ASTN1: variants seen among roughly 807,000 people sequenced by gnomAD.
ASTN1 encodes astrotactin 1.
A neutral mutation model predicts 140.7 loss-of-function variants in ASTN1; 41 were observed. The ratio of observed to expected loss-of-function variants is 0.29; its 90% CI spans 0.23 to 0.38. The LOEUF (loss-of-function observed/expected upper bound fraction) is 0.38, where lower values mean the gene tolerates loss of function less well. ASTN1 is among the 10% of genes least tolerant of loss of function. The probability of loss-of-function intolerance (pLI) is 1.00; values close to 1 mark genes in which losing one functional copy is unlikely to be tolerated. For synonymous variants in ASTN1, 640 were observed against 652.2 expected (o/e 0.98, Z 0.29); for missense variants, 1,479 against 1,678.8 (o/e 0.88, Z 2.08).
intron 1 of ASTN1, among the ~76,000 whole-genome samples, chr1:177,066,836 A>T (rs758300605): frequency 5.9e-5 from 9 of 151,898 alleles, no homozygotes; most frequent in Non-Finnish European, 1.2e-4. Flanking sequence ...ACCCTTTCTC[A>T]CTCCTAGCAA....
chr1:177,038,125 T>C (rs892911188), intron 2 of ASTN1, among the ~76,000 whole-genome samples: 1 of 152,202 alleles, frequency 6.6e-6, no homozygotes, highest in Non-Finnish European at 1.5e-5. Flanking sequence ...GACTGTCTCA[T>C]TATCTGACCT....
chr1:177,130,897 G>A (rs1681908864), intron 1 of ASTN1, among the ~76,000 whole-genome samples: 1 of 152,170 alleles, frequency 6.6e-6, no homozygotes, highest in Admixed American at 6.5e-5. Context: ...CCCTTGAGAA[G>A]GAGAAAGCTT....
intron 8 of ASTN1, among the ~76,000 whole-genome samples, chr1:177,009,556 G>C (rs1394406558): frequency 6.6e-6 from 1 of 152,202 alleles, no homozygotes; most frequent in Non-Finnish European, 1.5e-5. Flanking sequence ...GAGCGGGTGA[G>C]AAGTAGGAAG....
At chr1:177,027,345 C>G (rs1230858748) in intron 5 of ASTN1, among the ~76,000 whole-genome samples, 1 of 152,044 alleles carries the variant, frequency 6.6e-6, no homozygotes, top group East Asian at 1.9e-4. Flanking sequence ...ATTGCCACTG[C>G]TCTCATGTGA....
chr1:177,030,060 A>C (rs1193259997), intron 4 of ASTN1, among the ~76,000 whole-genome samples: 1 of 152,202 alleles, frequency 6.6e-6, no homozygotes, highest in Non-Finnish European at 1.5e-5. Context: ...CCCTCATTAC[A>C]GGTTATGATT....
chr1:176,868,796 C>A (rs367850479), intron 22 of ASTN1, 48 bp downstream of exon 22: 41 of 1,531,074 alleles, frequency 2.7e-5, no homozygotes, highest in Non-Finnish European at 3.6e-5. Context: ...ACAAGAGGTA[C>A]AAAATTTCAA....
intron 1 of ASTN1, among the ~76,000 whole-genome samples, chr1:177,070,309 G>T (rs1479372452): frequency 2.6e-5 from 4 of 152,266 alleles, no homozygotes; most frequent in Middle Eastern, 3.4e-3. Context: ...CAAATCCTCT[G>T]TCTTATACTC....
intron 21 of ASTN1, among the ~76,000 whole-genome samples, chr1:176,874,633 T>C (rs1037122724): frequency 3.3e-5 from 5 of 152,218 alleles, no homozygotes; most frequent in African/African-American, 4.8e-5. Context: ...TAAATACTTA[T>C]TGACTTCCTA....
chr1:177,080,366 G>C (rs12136626), intron 1 of ASTN1, among the ~76,000 whole-genome samples: 65 of 150,556 alleles, frequency 4.3e-4, no homozygotes, highest in African/African-American at 1.3e-3. Context: ...ATTTTCATTA[G>C]AGCAGCTGCC....
intron 1 of ASTN1, among the ~76,000 whole-genome samples, chr1:177,161,951 T>A (rs1164667898): frequency 6.6e-6 from 1 of 152,180 alleles, no homozygotes; most frequent in African/African-American, 2.4e-5. Context: ...TAGAGACCAC[T>A]TGAGGGCAAG....
At chr1:176,943,239 C>T (rs1234179444) in intron 14 of ASTN1, among the ~76,000 whole-genome samples, 2 of 152,072 alleles carry the variant, frequency 1.3e-5, no homozygotes, top group South Asian at 2.1e-4. Flanking sequence ...TTCAGAGACA[C>T]AGGCAAGCAT....
chr1:177,075,132 G>A (rs1245729436), intron 1 of ASTN1, among the ~76,000 whole-genome samples: 1 of 151,942 alleles, frequency 6.6e-6, no homozygotes, highest in East Asian at 1.9e-4. Context: ...GGAGTGCAAT[G>A]GCGTGATCTT....
At chr1:177,081,592 G>A (rs1276357142) in intron 1 of ASTN1, among the ~76,000 whole-genome samples, 1 of 152,166 alleles carries the variant, frequency 6.6e-6, no homozygotes, top group Non-Finnish European at 1.5e-5. Flanking sequence ...GGGTGTGGGT[G>A]GCAAGGGGAA....
At chr1:176,886,993 A>G (rs777105120) in intron 18 of ASTN1, among the ~76,000 whole-genome samples, 4 of 152,174 alleles carry the variant, frequency 2.6e-5, no homozygotes, top group Non-Finnish European at 5.9e-5. Context: ...CAGCTTGGCC[A>G]GTTCTGTTTC....
intron 1 of ASTN1, among the ~76,000 whole-genome samples, chr1:177,139,907 G>T (rs1190262898): frequency 6.6e-6 from 1 of 152,028 alleles, no homozygotes; most frequent in Non-Finnish European, 1.5e-5. Flanking sequence ...ATCAATCACT[G>T]TAAGAAATTT....
chr1:176,986,924 C>T (rs369367720), intron 8 of ASTN1, among the ~76,000 whole-genome samples: 1 of 152,040 alleles, frequency 6.6e-6, no homozygotes, highest in East Asian at 1.9e-4. Context: ...TGCAACTGTC[C>T]CCTAAATGAG....
At position 177,061,256 on chromosome 1, in the gene ASTN1, C is replaced by A; in HGVS notation, c.293G>T (p.Gly98Val). ...CACCAAAGGGATATCCTCTGTGTTC[C>A]CTGAGATCTCTAGAAGATGAACACC... ...ELPYFVLEIS[G>V]NTEDIPLVRW... Residue 98 changes from glycine to valine, a missense_variant, in exon 2 of 23, where the codon GGG (glycine) becomes GTG (valine). Physicochemically the swap from Gly to Val is moderately radical, Grantham distance 109. Around this residue, in one of 3 missense-constraint regions of ASTN1, gnomAD observed 729 missense variants for 860.4 expected, o/e 0.85. Transcript: ENST00000361833. 1 of 1,538,842 alleles carries A rather than the reference C, an allele frequency of 6.5e-7. No individual in the cohort carries two copies. The highest frequency in any genetic ancestry group is 8.8e-7 in the Non-Finnish European group (1 of 1,140,684).
In ASTN1 at chr1:177,067,999, G is replaced by A. The variant is rs547846732; in HGVS notation, c.284-6734C>T. Among the ~76,000 whole-genome samples the A allele has an allele frequency of 2.0e-5, 3 of 152,276 alleles. 1 individual carries two copies. The highest frequency in any genetic ancestry group is 7.2e-5 in the African/African-American group (3 of 41,568). ...TCCCGCATCCCAGATGAGAGCCACAGAAAACAGGACACCCTGCTCGGCCTG... is the reference window on the plus strand; with the variant it reads ...TCCCGCATCCCAGATGAGAGCCACAAAAAACAGGACACCCTGCTCGGCCTG... On this transcript the variant is annotated intron_variant, in intron 1 of 22. Transcript: ENST00000361833.
chr1:176,891,605 C>G (rs188799163), intron 17 of ASTN1, among the ~76,000 whole-genome samples: 54 of 152,244 alleles, frequency 3.5e-4, no homozygotes, highest in African/African-American at 1.3e-3. Context: ...ACCAGCCTGA[C>G]CAACATGGAG....
Sources: gnomAD v4.1 joint callset for allele counts (sites outside exome capture counted in the v4.1 genomes callset) on GRCh38, gnomAD v4.1.1 for gene constraint, gnomAD v4.1.1 regional missense constraint, MANE v1.5 for transcripts, NCBI Gene and HGNC (gene_info 2026-07-23, HGNC 2026-07-21) for gene names.